The following TRAPPC9 variants were observed in gnomAD, a reference collection of about 807,000 sequenced individuals.
The protein encoded by TRAPPC9 is IKK2 binding protein.
TRAPPC9 carries 83 observed loss-of-function variants against 124.0 expected under a neutral mutation model. The observed-to-expected ratio is 0.67, with a 90% CI of 0.56 to 0.80. The LOEUF is 0.80. TRAPPC9 is among the 30% of genes least tolerant of loss of function. TRAPPC9 has a pLI of 0.00. For missense variants in TRAPPC9, 1,302 were observed against 1,508.3 expected (o/e 0.86, Z 2.27); for synonymous variants, 638 against 617.5 (o/e 1.03, Z -0.49).
intron 19 of TRAPPC9, among the ~76,000 whole-genome samples, chr8:139,912,392 A>G (rs1181770661): frequency 6.6e-6 from 1 of 151,682 alleles, no homozygotes; most frequent in African/African-American, 2.4e-5. Context: ...TGGTTCTCCT[A>G]TTTTTTGGAC....
At chr8:139,755,509 C>T (rs1358279842) in intron 21 of TRAPPC9, among the ~76,000 whole-genome samples, 2 of 135,192 alleles carry the variant, frequency 1.5e-5, no homozygotes, top group African/African-American at 2.9e-5. Context: ...GGTATAAGGA[C>T]AGCAGGTCGC....
rs1428522137 is a variant in TRAPPC9, at chr8:140,164,200, C to T, written c.2556+57259G>A. Among the ~76,000 whole-genome samples, 8 of 152,236 alleles carry T rather than the reference C, an allele frequency of 5.3e-5. No homozygotes were observed. The South Asian group carries it at 8.3e-4, about 16-fold the overall frequency. On this transcript the variant is annotated intron_variant, in intron 17 of 22. Transcript: ENST00000438773. ...ATCTTTGACTCATTCTCTCCCAATG[C>T]TTACAACCAAACTTCACAAAAGAGG...
At chr8:140,162,872 G>C (rs891011653) in intron 17 of TRAPPC9, among the ~76,000 whole-genome samples, 2 of 152,032 alleles carry the variant, frequency 1.3e-5, no homozygotes, top group African/African-American at 4.8e-5. Context: ...CACACTTGTA[G>C]TCCTAGATAC....
At chr8:140,387,701 T>C (rs1172751494) in intron 7 of TRAPPC9, among the ~76,000 whole-genome samples, 1 of 152,086 alleles carries the variant, frequency 6.6e-6, no homozygotes. Context: ...TTCAGAATGG[T>C]GATCATTAAA....
At position 139,844,283 on chromosome 8, in the gene TRAPPC9, C is replaced by T. The variant is rs139579940; in HGVS notation, c.3055+41596G>A. Among the ~76,000 whole-genome samples the T allele has an allele frequency of 3.3e-5, 5 of 152,372 alleles. No individual in the cohort carries two copies. The East Asian group carries it at 7.7e-4, about 23-fold the overall frequency. ...AAACAGGGCAACCTGAGACCACACC[C>T]GGCTGTTGTGAAGGTCATGTCCATT... On this transcript the variant is annotated intron_variant, in intron 21 of 22. Transcript: ENST00000438773.
chr8:140,436,382 A>C (rs2070814461), intron 3 of TRAPPC9, among the ~76,000 whole-genome samples: 1 of 152,248 alleles, frequency 6.6e-6, no homozygotes, highest in African/African-American at 2.4e-5. Context: ...TAAGCTTGTC[A>C]TGTGTTAACA....
intron 17 of TRAPPC9, among the ~76,000 whole-genome samples, chr8:140,192,463 C>T (rs1357936296): frequency 6.6e-6 from 1 of 152,220 alleles, no homozygotes; most frequent in East Asian, 1.9e-4. Flanking sequence ...TCTGCAGAAA[C>T]CTCCTGGCAC....
chr8:139,875,340 G>A (rs1003620836), intron 21 of TRAPPC9, among the ~76,000 whole-genome samples: 9 of 152,284 alleles, frequency 5.9e-5, no homozygotes, highest in African/African-American at 2.2e-4. Flanking sequence ...TTGCCACAGG[G>A]ACGCAGAAAG....
intron 9 of TRAPPC9, among the ~76,000 whole-genome samples, chr8:140,337,751 G>A (rs1421651947): frequency 1.3e-5 from 2 of 152,200 alleles, no homozygotes; most frequent in Non-Finnish European, 2.9e-5. Flanking sequence ...GGAACAGAGG[G>A]AGGTGGAGCC....
At chr8:139,995,535 G>A (rs1837909885) in intron 18 of TRAPPC9, among the ~76,000 whole-genome samples, 1 of 152,062 alleles carries the variant, frequency 6.6e-6, no homozygotes, top group African/African-American at 2.4e-5. Context: ...TGTGCCTCTG[G>A]ACAGTCAGTC....
intron 21 of TRAPPC9, among the ~76,000 whole-genome samples, chr8:139,738,180 G>A (rs1279255906): frequency 2.0e-5 from 3 of 152,308 alleles, no homozygotes; most frequent in Admixed American, 2.0e-4. Context: ...CAGCAGCCTA[G>A]GGAGGGGAAG....
intron 21 of TRAPPC9, among the ~76,000 whole-genome samples, chr8:139,743,484 C>G (rs1308381299): frequency 6.6e-6 from 1 of 152,198 alleles, no homozygotes; most frequent in Non-Finnish European, 1.5e-5. Context: ...CAGCCTGCCT[C>G]AGCTATAATA....
intron 10 of TRAPPC9, among the ~76,000 whole-genome samples, chr8:140,306,751 T>G (rs983569014): frequency 3.3e-5 from 5 of 152,188 alleles, no homozygotes; most frequent in African/African-American, 1.2e-4. Flanking sequence ...GAAGAGAACA[T>G]GCAGTTCATA....
At chr8:140,419,068 T>C (rs1357158826) in intron 5 of TRAPPC9, among the ~76,000 whole-genome samples, 1 of 139,812 alleles carries the variant, frequency 7.2e-6, no homozygotes, top group Admixed American at 7.3e-5. Flanking sequence ...CGGAGGCGGG[T>C]GGATCACAAG....
intron 19 of TRAPPC9, among the ~76,000 whole-genome samples, chr8:139,980,802 CA>C (rs1836841900): frequency 6.6e-6 from 1 of 152,186 alleles, no homozygotes; most frequent in South Asian, 2.1e-4. Flanking sequence ...GGTCTGCAGA[CA>C]GGGTGGGCGT....
intron 21 of TRAPPC9, among the ~76,000 whole-genome samples, chr8:139,838,271 C>G (rs1826489534): frequency 6.6e-6 from 1 of 152,236 alleles, no homozygotes; most frequent in Non-Finnish European, 1.5e-5. Flanking sequence ...GGCACACGCA[C>G]CTGCCTTTAC....
chr8:140,059,363 A>G (rs761612462), intron 17 of TRAPPC9, among the ~76,000 whole-genome samples: 8 of 152,242 alleles, frequency 5.3e-5, no homozygotes, highest in Non-Finnish European at 1.0e-4. Context: ...AGTTGGCTGC[A>G]GGGGTTATTT....
At chr8:140,195,727 G>A (rs1458778725) in intron 17 of TRAPPC9, among the ~76,000 whole-genome samples, 1 of 149,654 alleles carries the variant, frequency 6.7e-6, no homozygotes, top group African/African-American at 2.5e-5. Context: ...TCACACCTGT[G>A]ACACTAAAAC....
chr8:139,784,608 CATATAT>C (rs34583867), intron 21 of TRAPPC9, among the ~76,000 whole-genome samples: 25,447 of 88,544 alleles, frequency 0.29, 3,612 homozygotes, highest in Middle Eastern at 0.41. Context: ...AAAAGACTGA[CATATAT>C]ATATATATAT....
Sources: gnomAD v4.1 joint callset for allele counts (sites outside exome capture counted in the v4.1 genomes callset) on GRCh38, gnomAD v4.1.1 for gene constraint, MANE v1.5 for transcripts, NCBI Gene and HGNC (gene_info 2026-07-23, HGNC 2026-07-21) for gene names.